FNIP1: variants seen among roughly 807,000 people sequenced by gnomAD.
The protein encoded by FNIP1 is folliculin-interacting protein 1.
Under a neutral mutation model 124.5 loss-of-function variants are expected in FNIP1, and 40 were observed. That is an observed-to-expected ratio of 0.32 (90% confidence interval 0.25 to 0.42). The LOEUF is 0.42. Ranked by LOEUF, FNIP1 falls within the 10% of genes least tolerant of loss-of-function variation. The pLI is 1.00. For synonymous variants in FNIP1, 472 were observed against 470.6 expected, an observed-to-expected ratio of 1.00 and a Z score of -0.04; for missense variants, 1,176 against 1,403.7, an observed-to-expected ratio of 0.84 and a Z score of 2.59.
chr5:131,735,798 C>T (rs1770282222), intron 2 of FNIP1, among the ~76,000 whole-genome samples: 1 of 150,960 alleles, frequency 6.6e-6, no homozygotes, highest in African/African-American at 2.4e-5. Context: ...CCTAACAACA[C>T]TTAAGGGAAT....
intron 1 of FNIP1, among the ~76,000 whole-genome samples, chr5:131,791,921 T>C (rs559042111): frequency 2.0e-5 from 3 of 152,172 alleles, no homozygotes; most frequent in African/African-American, 7.2e-5. Context: ...AAAGCCATAC[T>C]ATGTAGAATG....
rs1207894846 is a variant in FNIP1 at position 131,643,393 on chromosome 5, A to T, written c.*1292T>A. 1 of 152,806 alleles carries T rather than the reference A, an allele frequency of 6.5e-6. No individual in the cohort carries two copies. The highest frequency in any genetic ancestry group is 1.5e-5 in the Non-Finnish European group (1 of 68,040). The allele number at this position is 152,806 out of a possible 1,614,324, so 9.5% of individuals were successfully genotyped here. A position where few individuals can be genotyped will look rare whatever the true frequency, so the allele number is the denominator to read the frequency against. ...AAATAGTCAATGAAAGCAGAAACCA[A>T]CTTTACTACTAGCATTAAAAGTCTC... On this transcript the variant is annotated 3_prime_UTR_variant, in exon 18 of 18. Coordinates refer to ENST00000510461, the MANE Select transcript of FNIP1 (RefSeq NM_133372.3).
chr5:131,785,904 C>A (rs1448299404), intron 1 of FNIP1, among the ~76,000 whole-genome samples: 1 of 152,020 alleles, frequency 6.6e-6, no homozygotes, highest in South Asian at 2.1e-4. Context: ...TACAAATGTG[C>A]AGTTTGTGTT....
intron 15 of FNIP1, among the ~76,000 whole-genome samples, chr5:131,653,144 T>A (rs1767089190): frequency 1.3e-5 from 2 of 152,178 alleles, no homozygotes; most frequent in African/African-American, 4.8e-5. Flanking sequence ...ATTTTTCTGT[T>A]TGACTAAGAC....
intron 16 of FNIP1, among the ~76,000 whole-genome samples, chr5:131,648,093 G>A (rs919815557): frequency 8.0e-5 from 12 of 150,564 alleles, no homozygotes; most frequent in Admixed American, 2.0e-4. Context: ...ATTCTGGGAG[G>A]TGGAGGCAGG....
chr5:131,778,598 G>A (rs1419382006), intron 1 of FNIP1, among the ~76,000 whole-genome samples: 2 of 128,314 alleles, frequency 1.6e-5, no homozygotes, highest in African/African-American at 3.0e-5. Flanking sequence ...CGATTCCTCA[G>A]GGATCTAGAA....
chr5:131,742,038 A>C (rs1282678510), intron 2 of FNIP1, among the ~76,000 whole-genome samples: 1 of 152,202 alleles, frequency 6.6e-6, no homozygotes, highest in Non-Finnish European at 1.5e-5. Flanking sequence ...AAAATGTTTT[A>C]ATTTCTTTTT....
chr5:131,677,205 A>G (rs1267990721), intron 13 of FNIP1, among the ~76,000 whole-genome samples: 1 of 152,016 alleles, frequency 6.6e-6, no homozygotes, highest in African/African-American at 2.4e-5. Flanking sequence ...ATCCCTCCCT[A>G]TTGTCTATGA....
intron 15 of FNIP1, among the ~76,000 whole-genome samples, chr5:131,666,772 A>G (rs956842440): frequency 2.0e-5 from 3 of 152,230 alleles, no homozygotes; most frequent in Non-Finnish European, 2.9e-5. Context: ...AATAGCAGGA[A>G]GAAACCCTTA....
chr5:131,751,661 G>T (rs1561689818), intron 1 of FNIP1, among the ~76,000 whole-genome samples: 2 of 152,084 alleles, frequency 1.3e-5, no homozygotes, highest in Admixed American at 1.3e-4. Context: ...ACAAAATGTG[G>T]TATGTCAATA....
chr5:131,728,735 G>A (rs1475113927), intron 3 of FNIP1, among the ~76,000 whole-genome samples: 2 of 152,110 alleles, frequency 1.3e-5, no homozygotes, highest in Non-Finnish European at 2.9e-5. Context: ...CTGGCAAGGT[G>A]TTGTGATCCT....
chr5:131,753,779 T>G (rs943737528), intron 1 of FNIP1, among the ~76,000 whole-genome samples: 1 of 152,086 alleles, frequency 6.6e-6, no homozygotes, highest in African/African-American at 2.4e-5. Flanking sequence ...ACTATATTCA[T>G]CAAGTTACAT....
chr5:131,652,468 C>T (rs1767068308), intron 15 of FNIP1, among the ~76,000 whole-genome samples: 1 of 152,190 alleles, frequency 6.6e-6, no homozygotes, highest in South Asian at 2.1e-4. Flanking sequence ...CATTCCCCTG[C>T]CTCAGCCTCC....
chr5:131,729,983 C>T (rs1416127202), intron 3 of FNIP1, among the ~76,000 whole-genome samples: 4 of 151,842 alleles, frequency 2.6e-5, no homozygotes, highest in East Asian at 1.9e-4. Context: ...TCAGGTGATC[C>T]GCCCACCTCA....
At chr5:131,788,992 C>T (rs1283197383) in intron 1 of FNIP1, among the ~76,000 whole-genome samples, 2 of 152,110 alleles carry the variant, frequency 1.3e-5, no homozygotes, top group Non-Finnish European at 2.9e-5. Flanking sequence ...AGTATTTACA[C>T]TAGCCAAGAT....
intron 10 of FNIP1, among the ~76,000 whole-genome samples, chr5:131,702,893 C>T (rs43179): frequency 2.0e-5 from 3 of 152,154 alleles, no homozygotes; most frequent in Non-Finnish European, 2.9e-5. Flanking sequence ...CTTCTCATCT[C>T]GTCAAACTCT....
chr5:131,666,534 G>C (rs918057115), intron 15 of FNIP1, among the ~76,000 whole-genome samples: 3 of 152,120 alleles, frequency 2.0e-5, no homozygotes, highest in African/African-American at 4.8e-5. Context: ...TTTAGTAACA[G>C]TATGGCATAG....
intron 10 of FNIP1, 125 bp downstream of exon 10, chr5:131,703,940 C>G (rs32107): frequency 8.1e-6 from 6 of 741,552 alleles, no homozygotes; most frequent in Non-Finnish European, 1.3e-5. Flanking sequence ...TTTGCATCCA[C>G]CAGAGCACTT....
At chr5:131,688,117 G>T (rs927302427) in intron 11 of FNIP1, among the ~76,000 whole-genome samples, 6 of 151,370 alleles carry the variant, frequency 4.0e-5, no homozygotes, top group African/African-American at 1.5e-4. Flanking sequence ...AAAAAAATCA[G>T]ATTTAATTTT....
Sources: allele counts gnomAD v4.1 joint callset (sites outside exome capture counted in the v4.1 genomes callset), GRCh38; gene constraint gnomAD v4.1.1; transcripts MANE v1.5; gene names NCBI Gene and HGNC (gene_info 2026-07-23, HGNC 2026-07-21).